TMEM26: variants seen among roughly 807,000 people sequenced by gnomAD.
The protein encoded by TMEM26 is transmembrane protein 26.
A neutral mutation model predicts 28.8 loss-of-function variants in TMEM26; 38 were observed. The observed-to-expected ratio is 1.32, with a 90% CI of 1.02 to 1.73. TMEM26 has a LOEUF of 1.73. Among genes scored for constraint, TMEM26 ranks in the 40% most tolerant of loss-of-function variants. The pLI is 0.00. For missense variants in TMEM26, 518 were observed against 447.1 expected, an observed-to-expected ratio of 1.16 and a Z score of -1.43; for synonymous variants, 227 against 182.9, an observed-to-expected ratio of 1.24 and a Z score of -1.95.
rs1417144577 is a variant in TMEM26 at position 61,418,819 on chromosome 10, G to A, written c.606-5284C>T. Among the ~76,000 whole-genome samples, 3 of 152,206 alleles carry A rather than the reference G, an allele frequency of 2.0e-5. No individual in the cohort carries two copies. In the East Asian group the frequency reaches 5.8e-4, roughly 29 times the overall value. The stretch of plus-strand genomic sequence containing the variant: ...GAAGGGCTAGATGAGTACTCCTGTA[G>A]GCTTGGCTGACTGAGAAACTGCAGG... On this transcript the variant is annotated intron_variant, in intron 4 of 5. Coordinates refer to ENST00000399298, the MANE Select transcript of TMEM26 (RefSeq NM_178505.8).
chr10:61,429,743 T>C (rs1271125100), intron 3 of TMEM26, among the ~76,000 whole-genome samples: 6 of 152,070 alleles, frequency 3.9e-5, no homozygotes, highest in Non-Finnish European at 5.9e-5. Flanking sequence ...CAATAATCCA[T>C]AAGCCAGCAA....
At chr10:61,451,835 A>G (rs992199655) in intron 1 of TMEM26, among the ~76,000 whole-genome samples, 7 of 152,194 alleles carry the variant, frequency 4.6e-5, no homozygotes, top group Admixed American at 4.6e-4. Context: ...GTCAGGAAAT[A>G]CAAAGCCTTT....
At chr10:61,412,807 G>A (rs924666588) in intron 5 of TMEM26, 14 of 339,512 alleles carry the variant, frequency 4.1e-5, no homozygotes, top group African/African-American at 3.1e-4. Flanking sequence ...AGCGATGTGT[G>A]GTTGGTGGGT....
At chr10:61,452,687 T>C (rs1840308699) in intron 1 of TMEM26, 2 of 584,664 alleles carry the variant, frequency 3.4e-6, no homozygotes, top group Non-Finnish European at 6.0e-6. Context: ...GATCGAGCCT[T>C]CCCAGTGTTG....
chr10:61,428,492 G>T (rs189141574), intron 4 of TMEM26, among the ~76,000 whole-genome samples: 15 of 152,218 alleles, frequency 9.9e-5, no homozygotes, highest in African/African-American at 3.4e-4. Flanking sequence ...ACTTCTCCAT[G>T]TCTTCTCTCA....
chr10:61,442,042 TTTTA>T (rs201751149), intron 1 of TMEM26, among the ~76,000 whole-genome samples: 14,804 of 151,962 alleles, frequency 0.097, 1,523 homozygotes, highest in African/African-American at 0.26. Context: ...ATTTGTTTTG[TTTTA>T]TTTGTTTATG....
rs767436748 is a variant in TMEM26, at chr10:61,410,397, G to A, written c.1032C>T (p.Asn344=). The A allele has an allele frequency of 3.7e-6, 6 of 1,613,996 alleles. No individual in the cohort carries two copies. Among genetic ancestry groups the A allele is most frequent in the Middle Eastern group, 1.6e-4 (1 of 6,062 alleles). Residue 344 remains asparagine, a synonymous_variant, in exon 6 of 6, where the codon AAC becomes AAT. Transcript: ENST00000399298. ...GAATAGCCAGGCCCTCCTTAGACTC[G>A]TTCTGCCAGTCCCGCTGAGAGGGCC... ...ESGPSQRDWQ[N]ESKEGLAIPL...
chr10:61,444,667 A>C (rs371453800), intron 1 of TMEM26, among the ~76,000 whole-genome samples: 24 of 151,928 alleles, frequency 1.6e-4, no homozygotes, highest in Middle Eastern at 3.4e-3. Context: ...AAAAAAAAAA[A>C]AAAACACCAA....
intron 4 of TMEM26, among the ~76,000 whole-genome samples, chr10:61,422,207 A>T (rs2135299035): frequency 6.6e-6 from 1 of 152,278 alleles, no homozygotes; most frequent in African/African-American, 2.4e-5. Context: ...AACAATTAGA[A>T]TGAAAGATTT....
chr10:61,419,160 A>G (rs1008101108), intron 4 of TMEM26, among the ~76,000 whole-genome samples: 1 of 152,126 alleles, frequency 6.6e-6, no homozygotes. Flanking sequence ...ACAAAATGAG[A>G]AGCCTCAGGT....
intron 1 of TMEM26, among the ~76,000 whole-genome samples, chr10:61,442,785 A>T (rs897236069): frequency 6.6e-6 from 1 of 152,196 alleles, no homozygotes; most frequent in African/African-American, 2.4e-5. Context: ...ATGTAGACTC[A>T]TTTGTCTAAG....
chr10:61,421,585 A>G (rs977785814), intron 4 of TMEM26, among the ~76,000 whole-genome samples: 1 of 152,136 alleles, frequency 6.6e-6, no homozygotes, highest in African/African-American at 2.4e-5. Context: ...ACACAGACAG[A>G]CACACTGGGG....
Position 61,406,983 on chromosome 10 carries a change from C to T in TMEM26, c.*3339G>A, listed in dbSNP as rs950387786. The T allele has an allele frequency of 6.6e-6, 1 of 151,858 alleles. No individual in the cohort carries two copies. The highest frequency in any genetic ancestry group is 1.5e-5 in the Non-Finnish European group (1 of 67,948). The allele number at this position is 151,858 out of a possible 1,614,324, so 9.4% of individuals were successfully genotyped here. On this transcript the variant is annotated 3_prime_UTR_variant, in exon 6 of 6. Coordinates refer to ENST00000399298, the MANE Select transcript of TMEM26 (RefSeq NM_178505.8). Reference sequence around the variant, plus strand: ...CTGAAATTAGAAAAAAAAAAAATCCCCTTTTTTTCTTGTAATTCAAGACTG... The same window carrying T: ...CTGAAATTAGAAAAAAAAAAAATCCTCTTTTTTTCTTGTAATTCAAGACTG...
At chr10:61,451,861 A>G (rs1840287473) in intron 1 of TMEM26, among the ~76,000 whole-genome samples, 1 of 152,160 alleles carries the variant, frequency 6.6e-6, no homozygotes, top group African/African-American at 2.4e-5. Context: ...TTTAGTATGT[A>G]AAACTGTAGA....
intron 4 of TMEM26, among the ~76,000 whole-genome samples, chr10:61,425,919 C>T (rs913319797): frequency 7.9e-5 from 12 of 152,032 alleles, no homozygotes; most frequent in Admixed American, 7.9e-4. Context: ...TAACATATAA[C>T]CAGCCATTCC....
intron 4 of TMEM26, among the ~76,000 whole-genome samples, chr10:61,425,133 G>T (rs142158544): frequency 6.6e-6 from 1 of 152,076 alleles, no homozygotes; most frequent in South Asian, 2.1e-4. Context: ...CACATCTTAC[G>T]TGGCTGACAG....
chr10:61,426,290 T>C (rs1229339693), intron 4 of TMEM26, among the ~76,000 whole-genome samples: 2 of 152,098 alleles, frequency 1.3e-5, no homozygotes, highest in Non-Finnish European at 2.9e-5. Flanking sequence ...GACTGCAAAC[T>C]GCCACAGGAA....
Position 61,442,485 on chromosome 10 carries a change from T to C in TMEM26, c.192-6237A>G, listed in dbSNP as rs75286208. ...TATGTATATATCTGAAAATGGATAA[T>C]ATTTAAGTGAAGCAAAAATAATATT... On this transcript the variant is annotated intron_variant, in intron 1 of 5. Transcript: ENST00000399298. Among the ~76,000 whole-genome samples the C allele has an allele frequency of 4.9e-3, 741 of 152,314 alleles. 4 individuals carry two copies. The highest frequency in any genetic ancestry group is 0.016 in the African/African-American group (679 of 41,572).
At chr10:61,431,652 A>T (rs1218709540) in intron 2 of TMEM26, among the ~76,000 whole-genome samples, 1 of 152,114 alleles carries the variant, frequency 6.6e-6, no homozygotes, top group Non-Finnish European at 1.5e-5. Context: ...AAGAATTTAA[A>T]ACCAAACAAA....
Sources: allele counts gnomAD v4.1 joint callset (sites outside exome capture counted in the v4.1 genomes callset), GRCh38; gene constraint gnomAD v4.1.1; transcripts MANE v1.5; gene names NCBI Gene and HGNC (gene_info 2026-07-23, HGNC 2026-07-21).